MAPRE2: variants seen among roughly 807,000 people sequenced by gnomAD.
MAPRE2 encodes microtubule associated protein RP/EB family member 2.
MAPRE2 carries 13 observed loss-of-function variants against 43.2 expected under a neutral mutation model. The ratio of observed to expected loss-of-function variants is 0.30; its 90% CI spans 0.20 to 0.48. The LOEUF is 0.48. MAPRE2 is among the 20% of genes least tolerant of loss of function. MAPRE2 has a pLI of 0.99. For missense variants in MAPRE2, 161 were observed against 400.2 expected (o/e 0.40, Z 5.10); for synonymous variants, 135 against 148.8 (o/e 0.91, Z 0.68).
At chr18:34,982,997 G>T (rs1746497816) in intron 1 of MAPRE2, among the ~76,000 whole-genome samples, 1 of 152,122 alleles carries the variant, frequency 6.6e-6, no homozygotes, top group Non-Finnish European at 1.5e-5. Context: ...CTTGTCTATG[G>T]CTGTGGCAGC....
chr18:35,057,986 T>C (rs904648137), intron 1 of MAPRE2, among the ~76,000 whole-genome samples: 3 of 152,178 alleles, frequency 2.0e-5, no homozygotes, highest in Non-Finnish European at 4.4e-5. Flanking sequence ...AGAGAACCTG[T>C]CTTGTATATA....
At chr18:35,077,205 A>C (rs1907399073) in intron 2 of MAPRE2, among the ~76,000 whole-genome samples, 1 of 152,084 alleles carries the variant, frequency 6.6e-6, no homozygotes, top group Non-Finnish European at 1.5e-5. Flanking sequence ...AAGTCTCAAT[A>C]AGTTCTCTCT....
intron 1 of MAPRE2, among the ~76,000 whole-genome samples, chr18:34,977,533 G>T (rs561025032): frequency 4.6e-5 from 7 of 152,200 alleles, no homozygotes; most frequent in Non-Finnish European, 7.3e-5. Flanking sequence ...GAGAGCTGGG[G>T]GCTCTGGCAG....
At chr18:35,136,867 A>C (rs1910413416) in intron 6 of MAPRE2, among the ~76,000 whole-genome samples, 1 of 152,226 alleles carries the variant, frequency 6.6e-6, no homozygotes, top group South Asian at 2.1e-4. Context: ...GTTTTCTTAC[A>C]ATCACTCACA....
chr18:35,065,466 C>T (rs1159213598), intron 1 of MAPRE2, among the ~76,000 whole-genome samples: 1 of 151,902 alleles, frequency 6.6e-6, no homozygotes, highest in Non-Finnish European at 1.5e-5. Context: ...GTGTGGTGAC[C>T]CAGGGACTGC....
upstream of MAPRE2, among the ~76,000 whole-genome samples, chr18:35,040,071 C>T (rs567025955): frequency 1.3e-5 from 2 of 152,184 alleles, no homozygotes; most frequent in Non-Finnish European, 2.9e-5. Flanking sequence ...GGTGTGGCGG[C>T]GTGCGCCTGT....
intron 1 of MAPRE2, among the ~76,000 whole-genome samples, chr18:34,988,439 A>G (rs558454401): frequency 1.1e-4 from 17 of 152,334 alleles, no homozygotes; most frequent in Non-Finnish European, 2.1e-4. Flanking sequence ...AACATCCTTC[A>G]TCAACATCCT....
At chr18:35,019,066 T>C (rs1012059543) in intron 2 of MAPRE2, among the ~76,000 whole-genome samples, 1 of 152,026 alleles carries the variant, frequency 6.6e-6, no homozygotes, top group African/African-American at 2.4e-5. Context: ...TTTTTTTATT[T>C]CTGCCTTAAT....
intron 2 of MAPRE2, among the ~76,000 whole-genome samples, chr18:35,028,090 G>T (rs1311011824): frequency 6.6e-6 from 1 of 152,210 alleles, no homozygotes; most frequent in Non-Finnish European, 1.5e-5. Flanking sequence ...AAAGGCAAAA[G>T]CTGCCTGTCA....
chr18:35,089,267 A>G (rs1309858994), intron 2 of MAPRE2, among the ~76,000 whole-genome samples: 1 of 152,210 alleles, frequency 6.6e-6, no homozygotes, highest in East Asian at 1.9e-4. Context: ...TTTGGTTATA[A>G]CAACAAAAGC....
chr18:35,110,265 AT>A (rs1285642064), intron 4 of MAPRE2, among the ~76,000 whole-genome samples: 2 of 152,186 alleles, frequency 1.3e-5, no homozygotes, highest in African/African-American at 4.8e-5. Flanking sequence ...TGTGTATAAA[AT>A]GCGTGCTGAA....
At chr18:34,977,954 G>C (rs1315415800) in intron 1 of MAPRE2, among the ~76,000 whole-genome samples, 4 of 152,188 alleles carry the variant, frequency 2.6e-5, no homozygotes, top group African/African-American at 7.2e-5. Flanking sequence ...AAGGGCTAGT[G>C]GGTTTGGTCA....
At chr18:35,050,184 C>T (rs1043592618) in intron 1 of MAPRE2, among the ~76,000 whole-genome samples, 1 of 151,832 alleles carries the variant, frequency 6.6e-6, no homozygotes, top group Non-Finnish European at 1.5e-5. Flanking sequence ...AATGCATTAC[C>T]TCATCAATCA....
intron 1 of MAPRE2, among the ~76,000 whole-genome samples, chr18:35,067,137 T>G (rs147150003): frequency 0.012 from 1,781 of 152,286 alleles, 33 homozygotes; most frequent in African/African-American, 0.041. Context: ...ACTACAGCTG[T>G]GTTGGCTAGC....
At chr18:35,060,290 A>C (rs1264340359) in intron 1 of MAPRE2, among the ~76,000 whole-genome samples, 1 of 152,038 alleles carries the variant, frequency 6.6e-6, no homozygotes, top group African/African-American at 2.4e-5. Context: ...CTGGGAGCTG[A>C]GTTGGCGGGG....
intron 4 of MAPRE2, among the ~76,000 whole-genome samples, chr18:35,110,126 T>A (rs1457613853): frequency 6.6e-6 from 1 of 152,146 alleles, no homozygotes; most frequent in East Asian, 1.9e-4. Context: ...AGTTGTCATA[T>A]GTATTACATT....
In MAPRE2 at chr18:35,101,834, T is replaced by C. The variant is rs1323275314; in HGVS notation, c.397-112T>C. The C allele has an allele frequency of 4.0e-6, 3 of 749,558 alleles. No homozygotes were observed. The East Asian group carries it at 8.1e-5, about 20-fold the overall frequency. The allele number at this position is 749,558 out of a possible 1,614,324, so 46.4% of individuals were successfully genotyped here. A position where few individuals can be genotyped will look rare whatever the true frequency, so the allele number is the denominator to read the frequency against. On this transcript the variant is annotated intron_variant, in intron 3 of 6. Coordinates refer to ENST00000300249, the MANE Select transcript of MAPRE2 (RefSeq NM_014268.4). ...TCCAAATCTTAGCTATTATAAACAG[T>C]GCTGCCACAAACTTACAAGTGCAGA...
At chr18:35,123,485 G>T (rs959449992) in intron 4 of MAPRE2, among the ~76,000 whole-genome samples, 1 of 152,168 alleles carries the variant, frequency 6.6e-6, no homozygotes, top group Non-Finnish European at 1.5e-5. Context: ...CTCAGGAGGG[G>T]CCAGTGAGCA....
chr18:35,049,270 C>T (rs1905811705), intron 1 of MAPRE2, among the ~76,000 whole-genome samples: 1 of 152,100 alleles, frequency 6.6e-6, no homozygotes, highest in Non-Finnish European at 1.5e-5. Flanking sequence ...TCATTTGGTG[C>T]TGTGCAAGTC....
Sources: allele counts gnomAD v4.1 joint callset (sites outside exome capture counted in the v4.1 genomes callset), GRCh38; gene constraint gnomAD v4.1.1; transcripts MANE v1.5; gene names NCBI Gene and HGNC (gene_info 2026-07-23, HGNC 2026-07-21).